The following ENTREP2 variants were observed in gnomAD, a reference collection of about 807,000 sequenced individuals.
ENTREP2 encodes the protein protein ENTREP2.
the ENTREP2 span, among the ~76,000 whole-genome samples, chr15:29,190,346 A>C: frequency 6.6e-6 from 1 of 151,766 alleles, no homozygotes; most frequent in Admixed American, 6.6e-5. Flanking sequence ...GTTGGCCCCC[A>C]GGGGTTCTCT....
chr15:29,378,559 A>G, the ENTREP2 span, among the ~76,000 whole-genome samples: 1 of 152,182 alleles, frequency 6.6e-6, no homozygotes, highest in Non-Finnish European at 1.5e-5. Context: ...TGGAAAGAAG[A>G]GAAAATGACG....
At chr15:29,245,859 A>G in the ENTREP2 span, among the ~76,000 whole-genome samples, 3 of 152,222 alleles carry the variant, frequency 2.0e-5, no homozygotes, top group African/African-American at 7.2e-5. Flanking sequence ...AACCAGGCAC[A>G]GGCTCAGACT....
the ENTREP2 span, among the ~76,000 whole-genome samples, chr15:29,595,281 G>A: frequency 7.3e-6 from 1 of 137,816 alleles, no homozygotes; most frequent in Non-Finnish European, 1.6e-5. Flanking sequence ...AATAAAATAA[G>A]CTTTTGTGTT....
At chr15:29,142,765 G>A in the ENTREP2 span, among the ~76,000 whole-genome samples, 5,477 of 152,252 alleles carry the variant, frequency 0.036, 311 homozygotes, top group African/African-American at 0.12. Flanking sequence ...GGAGATACAT[G>A]TCATAGTAGA....
At chr15:29,217,045 A>C in the ENTREP2 span, among the ~76,000 whole-genome samples, 1 of 152,208 alleles carries the variant, frequency 6.6e-6, no homozygotes, top group Non-Finnish European at 1.5e-5. Flanking sequence ...ACAGAAGTAA[A>C]GTAGGCAAAA....
chr15:29,251,392 G>T, the ENTREP2 span, among the ~76,000 whole-genome samples: 16 of 152,318 alleles, frequency 1.1e-4, no homozygotes, highest in Admixed American at 3.3e-4. Context: ...ATTTTGAAAT[G>T]ATCGTTCTAT....
chr15:29,151,963 G>C, the ENTREP2 span: 1 of 728,572 alleles, frequency 1.4e-6, no homozygotes, highest in South Asian at 1.6e-5. Flanking sequence ...TGGAGGTTTT[G>C]TTTTGTGTGT....
the ENTREP2 span, among the ~76,000 whole-genome samples, chr15:29,566,538 C>A: frequency 6.6e-6 from 1 of 150,788 alleles, no homozygotes. Flanking sequence ...CTCACTGCAA[C>A]CTCCGCCTCC....
At chr15:29,273,112 G>C in the ENTREP2 span, among the ~76,000 whole-genome samples, 5 of 151,912 alleles carry the variant, frequency 3.3e-5, no homozygotes, top group East Asian at 1.9e-4. Context: ...GCCAAGAGGG[G>C]GTCTGTTCAG....
the ENTREP2 span, chr15:29,610,748 T>C: frequency 1.3e-5 from 2 of 150,210 alleles, no homozygotes; most frequent in African/African-American, 4.9e-5. Flanking sequence ...CTGGACAACC[T>C]CTACAAAGAG....
the ENTREP2 span, chr15:29,195,362 A>G: frequency 1.9e-5 from 19 of 979,976 alleles, no homozygotes; most frequent in Admixed American, 6.2e-5. Flanking sequence ...ACTCAAGGTC[A>G]ACGCTTTCCT....
chr15:29,458,307 T>C, the ENTREP2 span, among the ~76,000 whole-genome samples: 38 of 152,204 alleles, frequency 2.5e-4, no homozygotes, highest in Admixed American at 2.4e-3. Context: ...ATGCCCAAAC[T>C]GGCAAGGGCA....
At chr15:29,366,796 G>A in the ENTREP2 span, among the ~76,000 whole-genome samples, 2 of 152,164 alleles carry the variant, frequency 1.3e-5, no homozygotes, top group African/African-American at 4.8e-5. Context: ...AAACTATTCA[G>A]CAAAAGCTAC....
chr15:29,126,594 C>T, the ENTREP2 span: 1 of 998,440 alleles, frequency 1.0e-6, no homozygotes, highest in Admixed American at 2.5e-5. Flanking sequence ...CTCTGAAACC[C>T]TGGGGGTGCG....
At chr15:29,542,766 C>T in the ENTREP2 span, among the ~76,000 whole-genome samples, 2 of 152,234 alleles carry the variant, frequency 1.3e-5, no homozygotes, top group African/African-American at 4.8e-5. Flanking sequence ...CACCATCCTA[C>T]TTCCTGCTTC....
At chr15:29,315,879 A>G in the ENTREP2 span, among the ~76,000 whole-genome samples, 2 of 152,192 alleles carry the variant, frequency 1.3e-5, no homozygotes, top group Non-Finnish European at 1.5e-5. Flanking sequence ...TTATAAAACC[A>G]AAGGCTGGAA....
the ENTREP2 span, among the ~76,000 whole-genome samples, chr15:29,585,506 G>A: frequency 1.3e-5 from 2 of 152,212 alleles, no homozygotes; most frequent in African/African-American, 4.8e-5. Flanking sequence ...ACGAGAGAAA[G>A]TGTGGGTGAG....
the ENTREP2 span, among the ~76,000 whole-genome samples, chr15:29,596,866 C>T: frequency 4.6e-5 from 7 of 152,038 alleles, no homozygotes; most frequent in Admixed American, 1.3e-4. Context: ...GACAGGCTTT[C>T]GCCATGCTAA....
chr15:29,290,103 T>C, the ENTREP2 span, among the ~76,000 whole-genome samples: 1 of 152,120 alleles, frequency 6.6e-6, no homozygotes, highest in Non-Finnish European at 1.5e-5. Flanking sequence ...GGGACCCTCC[T>C]GCAAGTCCCT....
Sources: gnomAD v4.1 joint callset for allele counts (sites outside exome capture counted in the v4.1 genomes callset) on GRCh38, gnomAD v4.1.1 for gene constraint, MANE v1.5 for transcripts, NCBI Gene and HGNC (gene_info 2026-07-23, HGNC 2026-07-21) for gene names.